Variants in SCRG1 observed in about 807,000 individuals in gnomAD.
The protein encoded by SCRG1 is scrapie-responsive protein 1.
In SCRG1, 3 loss-of-function variants were observed where a neutral mutation model predicts 7.7. The ratio of observed to expected loss-of-function variants is 0.39; its 90% confidence interval spans 0.18 to 1.01. The LOEUF (loss-of-function observed/expected upper bound fraction) is 1.01, where lower values mean the gene tolerates loss of function less well. SCRG1 is among the 50% of genes least tolerant of loss of function. SCRG1 has a pLI of 0.36. For missense variants in SCRG1, 110 were observed against 117.2 expected (o/e 0.94, Z 0.28); for synonymous variants, 46 against 41.2 (o/e 1.12, Z -0.44).
the SCRG1 span, among the ~76,000 whole-genome samples, chr4:173,438,356 C>A: frequency 1.3e-5 from 2 of 151,964 alleles, no homozygotes; most frequent in Non-Finnish European, 2.9e-5. Flanking sequence ...ATCCCGGGCT[C>A]AAGCTATCTG....
At chr4:173,437,614 G>T in the SCRG1 span, among the ~76,000 whole-genome samples, 79 of 152,252 alleles carry the variant, frequency 5.2e-4, no homozygotes, top group African/African-American at 1.8e-3. Flanking sequence ...ATTTATTAGG[G>T]TCATACATTA....
chr4:173,453,932 G>T, the SCRG1 span, among the ~76,000 whole-genome samples: 1,216 of 152,210 alleles, frequency 8.0e-3, 6 homozygotes, highest in Non-Finnish European at 0.014. Context: ...CAAAAAATTA[G>T]CCAGGCATGG....
At chr4:173,502,212 T>C in the SCRG1 span, among the ~76,000 whole-genome samples, 8 of 82,970 alleles carry the variant, frequency 9.6e-5, no homozygotes, top group African/African-American at 3.7e-4. The surrounding 1 kb of genome is among the most constrained non-coding windows in gnomAD (Gnocchi z 4.6). Context: ...CCCTTTATGG[T>C]GGGGCGGGGA....
At chr4:173,455,687 A>G in the SCRG1 span, among the ~76,000 whole-genome samples, 3 of 152,208 alleles carry the variant, frequency 2.0e-5, no homozygotes, top group Non-Finnish European at 4.4e-5. Context: ...TCACATGTGA[A>G]AAAAGCAGTC....
At chr4:173,395,856 C>T (rs955591463) in intron 1 of SCRG1, among the ~76,000 whole-genome samples, 3 of 152,132 alleles carry the variant, frequency 2.0e-5, no homozygotes, top group Non-Finnish European at 4.4e-5. Flanking sequence ...AATTTACCTA[C>T]AGCCAAGAAG....
At chr4:173,391,821 A>T (rs1024916011) in intron 1 of SCRG1, among the ~76,000 whole-genome samples, 5 of 152,158 alleles carry the variant, frequency 3.3e-5, no homozygotes, top group East Asian at 3.9e-4. Context: ...CCAGCTACTC[A>T]GGACCACTTG....
At chr4:173,499,865 G>A in the SCRG1 span, among the ~76,000 whole-genome samples, 1 of 152,204 alleles carries the variant, frequency 6.6e-6, no homozygotes, top group Non-Finnish European at 1.5e-5. The surrounding 1 kb of genome is among the most constrained non-coding windows in gnomAD (Gnocchi z 4.1). Flanking sequence ...TGTTTTGGCA[G>A]GCCAGGCCTT....
chr4:173,419,856 G>A, the SCRG1 span: 50 of 1,238,184 alleles, frequency 4.0e-5, no homozygotes, highest in African/African-American at 7.3e-5. Flanking sequence ...AGAAGCCTGC[G>A]GGCCAGCAGC....
the SCRG1 span, among the ~76,000 whole-genome samples, chr4:173,450,667 G>T: frequency 6.6e-6 from 1 of 152,190 alleles, no homozygotes; most frequent in African/African-American, 2.4e-5. Flanking sequence ...AGGAGGAACT[G>T]CAGATTCTCT....
chr4:173,509,376 G>A, the SCRG1 span, among the ~76,000 whole-genome samples: 1 of 152,260 alleles, frequency 6.6e-6, no homozygotes, highest in Admixed American at 6.5e-5. The surrounding 1 kb of genome is among the most constrained non-coding windows in gnomAD (Gnocchi z 5.7). Flanking sequence ...CCTGAACCTC[G>A]CGAGTAGAGC....
At chr4:173,502,970 AC>A in the SCRG1 span, among the ~76,000 whole-genome samples, 1 of 152,222 alleles carries the variant, frequency 6.6e-6, no homozygotes, top group Non-Finnish European at 1.5e-5. The surrounding 1 kb of genome is among the most constrained non-coding windows in gnomAD (Gnocchi z 4.6). Flanking sequence ...GGTCTGGTGC[AC>A]AGTGGGACTC....
intron 1 of SCRG1, among the ~76,000 whole-genome samples, chr4:173,397,178 A>G (rs1739631520): frequency 1.3e-5 from 2 of 152,354 alleles, no homozygotes; most frequent in South Asian, 4.1e-4. Context: ...AAATGGAAAA[A>G]TTTCTGACCC....
chr4:173,479,443 GTTTTTTTT>G, the SCRG1 span, among the ~76,000 whole-genome samples: 2 of 135,250 alleles, frequency 1.5e-5, no homozygotes, highest in Admixed American at 7.6e-5. Flanking sequence ...TTGTTTTTTT[GTTTTTTTT>G]TTTTTTTGAG....
the SCRG1 span, among the ~76,000 whole-genome samples, chr4:173,490,665 G>C: frequency 6.6e-6 from 1 of 152,134 alleles, no homozygotes; most frequent in African/African-American, 2.4e-5. Flanking sequence ...TCACTTGACT[G>C]TTTCCCCCTA....
the SCRG1 span, among the ~76,000 whole-genome samples, chr4:173,488,015 C>T: frequency 2.6e-5 from 4 of 151,986 alleles, no homozygotes; most frequent in African/African-American, 9.7e-5. Context: ...GCATGAGAAT[C>T]GCTTGAGCCC....
chr4:173,476,363 A>ATATATATATATATATATATATATATAT, the SCRG1 span, among the ~76,000 whole-genome samples: 27 of 98,480 alleles, frequency 2.7e-4, no homozygotes, highest in African/African-American at 8.1e-4. Context: ...GGAAAAAAAA[A>ATATATATATATATATATATATATATAT]ATATATATAT....
At chr4:173,393,537 A>G (rs1024920637) in intron 1 of SCRG1, among the ~76,000 whole-genome samples, 2 of 152,184 alleles carry the variant, frequency 1.3e-5, no homozygotes, top group African/African-American at 4.8e-5. Context: ...GTGACCTAAT[A>G]TGTGATCTAT....
chr4:173,420,183 G>C, the SCRG1 span: 5 of 430,948 alleles, frequency 1.2e-5, no homozygotes, highest in Non-Finnish European at 1.3e-5. Flanking sequence ...GAGACCTTCA[G>C]GCCCGGCCCT....
the SCRG1 span, among the ~76,000 whole-genome samples, chr4:173,517,564 C>T: frequency 1.3e-5 from 2 of 152,204 alleles, no homozygotes; most frequent in African/African-American, 4.8e-5. Context: ...CAAGTAACTG[C>T]GTACATCCAC....
Sources: allele counts gnomAD v4.1 joint callset (sites outside exome capture counted in the v4.1 genomes callset), GRCh38; gene constraint gnomAD v4.1.1; non-coding constraint Gnocchi (gnomAD v3.1); transcripts MANE v1.5; gene names NCBI Gene and HGNC (gene_info 2026-07-23, HGNC 2026-07-21).